The following IGF1R variants were observed in gnomAD, a reference collection of about 807,000 sequenced individuals.
The protein encoded by IGF1R is insulin-like growth factor 1 receptor.
IGF1R carries 44 observed loss-of-function variants against 144.6 expected under a neutral mutation model. That is an observed-to-expected ratio of 0.30 (90% confidence interval 0.24 to 0.39). The LOEUF (loss-of-function observed/expected upper bound fraction) is 0.39, where lower values mean the gene tolerates loss of function less well. Among genes scored for constraint, IGF1R ranks in the 10% least tolerant of loss-of-function variants. The pLI is 1.00. For missense variants in IGF1R, 1,355 were observed against 1,833.7 expected, an observed-to-expected ratio of 0.74 and a Z score of 4.77; for synonymous variants, 795 against 722.8, an observed-to-expected ratio of 1.10 and a Z score of -1.60.
chr15:98,652,034 G>A (rs2052381518), intron 1 of IGF1R, among the ~76,000 whole-genome samples: 1 of 152,204 alleles, frequency 6.6e-6, no homozygotes, highest in African/African-American at 2.4e-5. Flanking sequence ...ATAAAGACAG[G>A]GTGTTGGTTC....
At chr15:98,768,718 G>T (rs1191368514) in intron 2 of IGF1R, among the ~76,000 whole-genome samples, 1 of 125,972 alleles carries the variant, frequency 7.9e-6, no homozygotes, top group South Asian at 2.6e-4. Context: ...AGGAGTTCGA[G>T]ACCATCCTGG....
At chr15:98,740,240 C>T (rs1386842222) in intron 2 of IGF1R, among the ~76,000 whole-genome samples, 1 of 152,210 alleles carries the variant, frequency 6.6e-6, no homozygotes, top group Non-Finnish European at 1.5e-5. Flanking sequence ...CTCTGATTTA[C>T]ACACCTCTGT....
chr15:98,808,702 C>T (rs1164594843), intron 2 of IGF1R, among the ~76,000 whole-genome samples: 6 of 141,162 alleles, frequency 4.3e-5, no homozygotes, highest in East Asian at 2.1e-4. Flanking sequence ...TTTGAAGAGA[C>T]AGGGTCTTGC....
chr15:98,950,756 C>T (rs2016741161), intron 20 of IGF1R, among the ~76,000 whole-genome samples: 1 of 152,188 alleles, frequency 6.6e-6, no homozygotes, highest in Non-Finnish European at 1.5e-5. Context: ...GAAGTATCCT[C>T]TCATGTTCAC....
At chr15:98,758,024 C>T (rs776663066) in intron 2 of IGF1R, among the ~76,000 whole-genome samples, 7 of 152,028 alleles carry the variant, frequency 4.6e-5, no homozygotes, top group Non-Finnish European at 7.4e-5. Context: ...TTTGCATTTC[C>T]GCAATTTCTG....
rs2053998849 is a variant in IGF1R at position 98,711,744 on chromosome 15, G to A, written c.640+3637G>A. 1.3e-5 allele frequency among the ~76,000 whole-genome samples: 2 copies of A among 152,078 alleles called. 1 individual carries two copies. Among genetic ancestry groups the A allele is most frequent in the South Asian group, 4.1e-4 (2 of 4,822 alleles). On this transcript the variant is annotated intron_variant, in intron 2 of 20. Transcript: ENST00000650285. ...TTCTCTGTCTCCCTTCCCTCAGTCT[G>A]GCTTTTAACGGTGGTCTCCTGACAT...
rs377109735 is a variant in IGF1R, at chr15:98,934,975, C to T, written c.3108C>T (p.Asn1036=). 154 of 1,614,076 alleles carry T rather than the reference C, an allele frequency of 9.5e-5. No individual in the cohort carries two copies. The highest frequency in any genetic ancestry group is 4.9e-4 in the Middle Eastern group (3 of 6,062). The part of the protein sequence containing the change: ...PETRVAIKTV[N]EAASMRERIE... ...CCAGAGTGGCCATTAAAACAGTGAACGAGGCCGCAAGCATGCGTGAGAGGA... is the reference window on the plus strand; with the variant it reads ...CCAGAGTGGCCATTAAAACAGTGAATGAGGCCGCAAGCATGCGTGAGAGGA... Residue 1036 remains asparagine, a synonymous_variant, in exon 16 of 21, where the codon AAC becomes AAT. Coordinates refer to ENST00000650285, the MANE Select transcript of IGF1R (RefSeq NM_000875.5).
At chr15:98,923,595 G>A (rs2015582203) in intron 11 of IGF1R, among the ~76,000 whole-genome samples, 1 of 152,230 alleles carries the variant, frequency 6.6e-6, no homozygotes, top group African/African-American at 2.4e-5. Flanking sequence ...TTTGTTGAGG[G>A]ACTGGGGAGA....
chr15:98,749,175 T>G (rs1269058771), intron 2 of IGF1R, among the ~76,000 whole-genome samples: 4 of 152,186 alleles, frequency 2.6e-5, no homozygotes, highest in Non-Finnish European at 5.9e-5. Context: ...TCCTTTTTTT[T>G]TTTTTTACAG....
chr15:98,900,138 G>A (rs769419153), intron 5 of IGF1R, among the ~76,000 whole-genome samples: 25 of 152,182 alleles, frequency 1.6e-4, no homozygotes, highest in Non-Finnish European at 2.4e-4. Context: ...TTAGTTTACA[G>A]GATTTGCACT....
chr15:98,864,655 T>G (rs2012330904), intron 2 of IGF1R, among the ~76,000 whole-genome samples: 1 of 152,228 alleles, frequency 6.6e-6, no homozygotes, highest in South Asian at 2.1e-4. Context: ...CAAAGGGCTG[T>G]GATTACAGGC....
rs370000948 is a variant in IGF1R, at chr15:98,728,397, C to T, written c.640+20290C>T. 7.3e-4 allele frequency among the ~76,000 whole-genome samples: 111 copies of T among 152,278 alleles called. 1 individual carries two copies. Among genetic ancestry groups the T allele is most frequent in the African/African-American group, 2.5e-3 (104 of 41,558 alleles). ...GCTCCTCCTCCACTGCTCAAGACCC[C>T]GGTTAAGGGGACAGCAGAGCAGGGA... On this transcript the variant is annotated intron_variant, in intron 2 of 20. Transcript: ENST00000650285.
At position 98,922,506 on chromosome 15, in the gene IGF1R, G is replaced by T. The variant is rs551468795; in HGVS notation, c.2485+75G>T. On this transcript the variant is annotated intron_variant, in intron 11 of 20. Transcript: ENST00000650285. ...GGAGAAGATGTGTTTTATGGACACA[G>T]GGTCTGACACCCAGGGCCATGACCC... 9 of 1,540,434 alleles carry T rather than the reference G, an allele frequency of 5.8e-6. No individual in the cohort carries two copies. The East Asian group carries it at 2.0e-4, about 35-fold the overall frequency.
At chr15:98,895,344 T>G (rs1218969634) in intron 3 of IGF1R, among the ~76,000 whole-genome samples, 3 of 152,160 alleles carry the variant, frequency 2.0e-5, no homozygotes, top group Non-Finnish European at 4.4e-5. Flanking sequence ...GAAGGCTATG[T>G]GGGATCTCTC....
chr15:98,903,191 A>T (rs1165964165), intron 5 of IGF1R, among the ~76,000 whole-genome samples: 1 of 152,202 alleles, frequency 6.6e-6, no homozygotes, highest in East Asian at 1.9e-4. Context: ...TGAGTAAGAG[A>T]ATATTTTCAC....
rs925624658 is a variant in IGF1R at position 98,958,254 on chromosome 15, C to T, written c.*812C>T. 2 of 231,396 alleles carry T rather than the reference C, an allele frequency of 8.6e-6. No individual in the cohort carries two copies. The highest frequency in any genetic ancestry group is 5.6e-5 in the Admixed American group (1 of 17,728). 14.3% of individuals were successfully genotyped at this position (231,396 alleles called of 1,614,324 possible). ...AACTGGACACAATAGGTCTTTCTCT[C>T]AGTGAAGGTGGGGAGAAGCTGAACC... On this transcript the variant is annotated 3_prime_UTR_variant, in exon 21 of 21. Coordinates refer to ENST00000650285, the MANE Select transcript of IGF1R (RefSeq NM_000875.5).
chr15:98,925,516 A>G (rs1220088683), intron 13 of IGF1R, among the ~76,000 whole-genome samples: 8 of 152,262 alleles, frequency 5.3e-5, no homozygotes, highest in Non-Finnish European at 1.2e-4. Context: ...TAAAATAGCA[A>G]TGCAGCCTCA....
intron 20 of IGF1R, among the ~76,000 whole-genome samples, chr15:98,950,909 C>T (rs185101844): frequency 3.3e-5 from 5 of 152,292 alleles, no homozygotes; most frequent in Admixed American, 1.3e-4. Flanking sequence ...TGTTTCAAAG[C>T]ACTTTGAGTG....
intron 2 of IGF1R, among the ~76,000 whole-genome samples, chr15:98,771,687 A>T (rs557752199): frequency 1.1e-4 from 17 of 152,314 alleles, no homozygotes; most frequent in African/African-American, 4.1e-4. Flanking sequence ...ACTTATGAAT[A>T]ACAACGTATG....
Sources: gnomAD v4.1 joint callset for allele counts (sites outside exome capture counted in the v4.1 genomes callset) on GRCh38, gnomAD v4.1.1 for gene constraint, MANE v1.5 for transcripts, NCBI Gene and HGNC (gene_info 2026-07-23, HGNC 2026-07-21) for gene names.